Variants in PRIM2 observed in about 807,000 individuals in gnomAD.
PRIM2 encodes DNA primase large subunit.
A neutral mutation model predicts 67.3 loss-of-function variants in PRIM2; 39 were observed. The ratio of observed to expected loss-of-function variants is 0.58; its 90% CI spans 0.45 to 0.76. The LOEUF (loss-of-function observed/expected upper bound fraction) is 0.76, where lower values mean the gene tolerates loss of function less well. Ranked by LOEUF, PRIM2 falls within the 30% of genes least tolerant of loss-of-function variation. The pLI is 0.00. For synonymous variants in PRIM2, 143 were observed against 198.7 expected (o/e 0.72, Z 2.36); for missense variants, 398 against 598.7 (o/e 0.66, Z 3.50).
At chr6:57,393,458 T>A (rs1286758860) in intron 7 of PRIM2, among the ~76,000 whole-genome samples, 1 of 152,238 alleles carries the variant, frequency 6.6e-6, no homozygotes, top group Admixed American at 6.5e-5. Flanking sequence ...TATCTTCTTT[T>A]GAGAATTGTC....
At chr6:57,562,401 ATTC>A (rs1409948797) in intron 10 of PRIM2, among the ~76,000 whole-genome samples, 2 of 152,174 alleles carry the variant, frequency 1.3e-5, no homozygotes, top group Non-Finnish European at 2.9e-5. Context: ...TGGGTTTTAT[ATTC>A]TTCTTAGATA....
At chr6:57,458,859 T>C (rs1361189279) in intron 7 of PRIM2, among the ~76,000 whole-genome samples, 1 of 152,230 alleles carries the variant, frequency 6.6e-6, no homozygotes, top group Non-Finnish European at 1.5e-5. Flanking sequence ...ATTATGTATT[T>C]GTAGTCTTAA....
intron 7 of PRIM2, among the ~76,000 whole-genome samples, chr6:57,397,968 T>TTTC (rs1770578873): frequency 3.0e-5 from 4 of 131,620 alleles, no homozygotes; most frequent in African/African-American, 1.5e-4. Context: ...TCTTTCTTTC[T>TTTC]TTTTTTTTTT....
intron 8 of PRIM2, among the ~76,000 whole-genome samples, chr6:57,521,656 T>C (rs2127464451): frequency 6.6e-6 from 1 of 152,310 alleles, no homozygotes; most frequent in East Asian, 1.9e-4. Context: ...TTTTGATTAC[T>C]TGTGATGCTT....
chr6:57,313,015 T>A (rs991200734), upstream of PRIM2, among the ~76,000 whole-genome samples: 1 of 152,212 alleles, frequency 6.6e-6, no homozygotes, highest in African/African-American at 2.4e-5. Flanking sequence ...GGGACCATGT[T>A]TGGGTTTTCT....
chr6:57,378,414 G>A (rs1769845151), intron 5 of PRIM2, among the ~76,000 whole-genome samples: 1 of 151,952 alleles, frequency 6.6e-6, no homozygotes, highest in African/African-American at 2.4e-5. Flanking sequence ...ACTTCATACA[G>A]ATTGTGCTTG....
chr6:57,554,392 G>T (rs1775467316), intron 10 of PRIM2, among the ~76,000 whole-genome samples: 1 of 146,724 alleles, frequency 6.8e-6, no homozygotes, highest in East Asian at 2.0e-4. Context: ...TCTGATAGGG[G>T]AGAGAATTCT....
chr6:57,305,792 T>C, the PRIM2 span, among the ~76,000 whole-genome samples: 1 of 152,212 alleles, frequency 6.6e-6, no homozygotes, highest in Non-Finnish European at 1.5e-5. Context: ...AGGGATATTC[T>C]ACTAAATTGT....
intron 10 of PRIM2, among the ~76,000 whole-genome samples, chr6:57,556,375 A>G (rs1204674225): frequency 2.6e-5 from 4 of 152,208 alleles, no homozygotes; most frequent in African/African-American, 9.6e-5. Context: ...GCATCATGTT[A>G]TCTGACTTCA....
intron 8 of PRIM2, among the ~76,000 whole-genome samples, chr6:57,522,259 T>A (rs1249554488): frequency 3.3e-5 from 5 of 151,866 alleles, no homozygotes; most frequent in African/African-American, 1.2e-4. Flanking sequence ...GTTTATGACT[T>A]GGCAGAGATT....
chr6:57,376,538 G>T, intron 5 of PRIM2, among the ~76,000 whole-genome samples: 1 of 152,024 alleles, frequency 6.6e-6, no homozygotes, highest in Non-Finnish European at 1.5e-5. Context: ...TTGGCCCTTT[G>T]CATGTTCATG....
chr6:57,283,076 C>G, the PRIM2 span, among the ~76,000 whole-genome samples: 1 of 152,140 alleles, frequency 6.6e-6, no homozygotes, highest in Admixed American at 6.6e-5. Flanking sequence ...TAGTCCTCCT[C>G]AGTTTTGATT....
the PRIM2 span, among the ~76,000 whole-genome samples, chr6:57,277,735 A>G: frequency 1.3e-5 from 2 of 151,960 alleles, no homozygotes. Context: ...AATCCCAGCA[A>G]TTTGGGAGGC....
chr6:57,495,743 T>C (rs1413413835), intron 7 of PRIM2, among the ~76,000 whole-genome samples: 52 of 152,262 alleles, frequency 3.4e-4, no homozygotes, highest in Non-Finnish European at 1.6e-4. Context: ...CCTTGATGTT[T>C]CGTTTTGTTT....
chr6:57,350,236 C>T (rs1768817380), intron 5 of PRIM2, among the ~76,000 whole-genome samples: 1 of 152,096 alleles, frequency 6.6e-6, no homozygotes, highest in East Asian at 1.9e-4. Flanking sequence ...TGAGCTTGTA[C>T]TGTTGATATA....
chr6:57,538,086 G>A (rs1371787855), intron 10 of PRIM2, among the ~76,000 whole-genome samples: 1 of 151,952 alleles, frequency 6.6e-6, no homozygotes, highest in East Asian at 1.9e-4. Context: ...TGCAATCATG[G>A]CTCACTGCAG....
chr6:57,427,119 G>A (rs1476320643), intron 7 of PRIM2, among the ~76,000 whole-genome samples: 1 of 152,016 alleles, frequency 6.6e-6, no homozygotes, highest in Non-Finnish European at 1.5e-5. Flanking sequence ...TATCACCCTG[G>A]CAGAAATTGG....
At chr6:57,243,286 A>G in the PRIM2 span, among the ~76,000 whole-genome samples, 3 of 152,298 alleles carry the variant, frequency 2.0e-5, no homozygotes, top group Admixed American at 1.3e-4. Context: ...TTTGTGTGCT[A>G]CTGATGGTTG....
chr6:57,511,172 C>G (rs1554347680), intron 8 of PRIM2, among the ~76,000 whole-genome samples: 1 of 148,430 alleles, frequency 6.7e-6, no homozygotes, highest in African/African-American at 2.5e-5. Context: ...GGTAACACTG[C>G]CAATCAAATA....
Sources: allele counts gnomAD v4.1 joint callset (sites outside exome capture counted in the v4.1 genomes callset), GRCh38; gene constraint gnomAD v4.1.1; transcripts MANE v1.5; gene names NCBI Gene and HGNC (gene_info 2026-07-23, HGNC 2026-07-21).